Variants in ATP8A1 observed in about 807,000 individuals in gnomAD.
ATP8A1 encodes phospholipid-transporting ATPase IA.
ATP8A1 carries 90 observed loss-of-function variants against 177.7 expected under a neutral mutation model. The ratio of observed to expected loss-of-function variants is 0.51; its 90% CI spans 0.43 to 0.60. The LOEUF (loss-of-function observed/expected upper bound fraction) is 0.60. Ranked by LOEUF, ATP8A1 falls within the 20% of genes least tolerant of loss-of-function variation. ATP8A1 has a pLI of 0.00. For synonymous variants in ATP8A1, 493 were observed against 485.9 expected (o/e 1.01, Z -0.19); for missense variants, 1,072 against 1,392.8 (o/e 0.77, Z 3.67).
chr4:42,579,922 T>C lies in ATP8A1; in HGVS notation c.891A>G (p.Gln297=), dbSNP rs763933769. ...LSNVERITNV[Q]ILILFCILIA... is the part of the protein sequence containing the mutation. ...TTAAGATACAAAATAAAATCAAAAT[T>C]TGTACATTTGTAATCCGTTCCACAT... The change falls in exon 11 of 37, where the codon CAA becomes CAG. Residue 297 remains glutamine (Q), a synonymous_variant. Transcript: ENST00000381668. 3.1e-6 allele frequency: 5 copies of C among 1,613,008 alleles called. No individual in the cohort carries two copies. Among genetic ancestry groups the C allele is most frequent in the Non-Finnish European group, 4.2e-6 (5 of 1,179,324 alleles).
chr4:42,554,587 GAAGATGCATATTTGAGGGT>G (rs1398822668), intron 16 of ATP8A1, among the ~76,000 whole-genome samples: 1 of 152,202 alleles, frequency 6.6e-6, no homozygotes, highest in African/African-American at 2.4e-5. Context: ...CTGTGCTAGA[GAAGATGCATATTTGAGGGT>G]AACAATCATG....
chr4:42,652,666 T>G (rs1407700591), intron 1 of ATP8A1, among the ~76,000 whole-genome samples: 1 of 152,136 alleles, frequency 6.6e-6, no homozygotes, highest in Non-Finnish European at 1.5e-5. Flanking sequence ...GGGAGGTAAC[T>G]GAATCATGGG....
intron 27 of ATP8A1, among the ~76,000 whole-genome samples, chr4:42,460,692 G>C (rs1372442339): frequency 2.6e-5 from 4 of 152,158 alleles, no homozygotes; most frequent in African/African-American, 9.7e-5. Context: ...CAGCCTGGCT[G>C]TATCTTTTTT....
At chr4:42,578,173 A>C (rs1424325784) in intron 12 of ATP8A1, 87 bp downstream of exon 12, 15 of 1,315,518 alleles carry the variant, frequency 1.1e-5, no homozygotes, top group Non-Finnish European at 1.5e-5. Flanking sequence ...GGTAGATATA[A>C]TTAAAACCTT....
chr4:42,637,109 C>G (rs1443971585), intron 1 of ATP8A1: 1 of 518,322 alleles, frequency 1.9e-6, no homozygotes, highest in Non-Finnish European at 3.9e-6. Flanking sequence ...ACTGGCTAGC[C>G]TTCTACAAGA....
intron 19 of ATP8A1, among the ~76,000 whole-genome samples, chr4:42,546,247 A>G (rs1375107645): frequency 1.3e-5 from 2 of 152,086 alleles, no homozygotes; most frequent in Non-Finnish European, 2.9e-5. Flanking sequence ...CTCGCCCCGC[A>G]GCCATAAAAA....
intron 35 of ATP8A1, among the ~76,000 whole-genome samples, chr4:42,418,935 T>C (rs1349427324): frequency 6.6e-6 from 1 of 152,184 alleles, no homozygotes; most frequent in East Asian, 1.9e-4. Flanking sequence ...TTTTCTGACA[T>C]TTGCATTTTA....
chr4:42,592,452 A>G (rs1216252925), intron 6 of ATP8A1, among the ~76,000 whole-genome samples: 2 of 152,162 alleles, frequency 1.3e-5, no homozygotes, highest in Non-Finnish European at 2.9e-5. Context: ...AGGGCAGTAT[A>G]GTCGATTATC....
chr4:42,445,558 T>C (rs537317305), intron 31 of ATP8A1, among the ~76,000 whole-genome samples: 2 of 152,334 alleles, frequency 1.3e-5, no homozygotes, highest in African/African-American at 4.8e-5. Flanking sequence ...AAGTGATGTT[T>C]GCTAGCACTT....
chr4:42,466,031 C>CAAAAAAAAAAAAAAAAAAA (rs57949092), intron 25 of ATP8A1, among the ~76,000 whole-genome samples: 1 of 108,118 alleles, frequency 9.2e-6, no homozygotes, highest in Admixed American at 1.0e-4. Flanking sequence ...GACTCCGTCT[C>CAAAAAAAAAAAAAAAAAAA]AAAAAAAAAA....
At chr4:42,599,588 G>A (rs1735047473) in intron 6 of ATP8A1, among the ~76,000 whole-genome samples, 1 of 152,106 alleles carries the variant, frequency 6.6e-6, no homozygotes, top group African/African-American at 2.4e-5. Flanking sequence ...TAATTGGGGG[G>A]TACAAGATAT....
intron 20 of ATP8A1, among the ~76,000 whole-genome samples, chr4:42,526,741 G>C (rs1726711297): frequency 6.6e-6 from 1 of 152,040 alleles, no homozygotes; most frequent in Non-Finnish European, 1.5e-5. Flanking sequence ...TATTAATTCT[G>C]TCCCTCTAGA....
chr4:42,529,707 T>G (rs1014182015), intron 20 of ATP8A1, among the ~76,000 whole-genome samples: 1 of 152,156 alleles, frequency 6.6e-6, no homozygotes, highest in Non-Finnish European at 1.5e-5. Flanking sequence ...CTGCACGATA[T>G]GCAGGCACTA....
intron 25 of ATP8A1, among the ~76,000 whole-genome samples, chr4:42,479,672 G>A (rs1411426799): frequency 6.6e-6 from 1 of 152,208 alleles, no homozygotes; most frequent in Non-Finnish European, 1.5e-5. Context: ...ACAGAGCACT[G>A]CATTTAAAAT....
chr4:42,568,589 C>T (rs767443470), intron 15 of ATP8A1, among the ~76,000 whole-genome samples: 25 of 152,250 alleles, frequency 1.6e-4, no homozygotes, highest in Non-Finnish European at 3.5e-4. Context: ...ACCCATAAAA[C>T]GCTAACTTTA....
At chr4:42,590,073 A>G (rs1464527457) in intron 7 of ATP8A1, among the ~76,000 whole-genome samples, 1 of 152,208 alleles carries the variant, frequency 6.6e-6, no homozygotes, top group East Asian at 1.9e-4. Flanking sequence ...CTAGATCATA[A>G]ATATTTCAGC....
chr4:42,477,996 A>G (rs921257113), intron 25 of ATP8A1, among the ~76,000 whole-genome samples: 1 of 152,036 alleles, frequency 6.6e-6, no homozygotes, highest in African/African-American at 2.4e-5. Flanking sequence ...AACAAAAACA[A>G]ACAAAAAATA....
intron 1 of ATP8A1, among the ~76,000 whole-genome samples, chr4:42,635,171 T>A (rs79654802): frequency 2.0e-5 from 3 of 152,058 alleles, no homozygotes; most frequent in Non-Finnish European, 2.9e-5. Context: ...CTTTTTTTTT[T>A]AACAAAATTG....
At chr4:42,551,372 G>A in intron 17 of ATP8A1, 92 bp from the exon 18 acceptor site, 2 of 874,896 alleles carry the variant, frequency 2.3e-6, no homozygotes, top group South Asian at 1.6e-5. Flanking sequence ...ATAATTTTCT[G>A]TTTAATTAAA....
Sources: gnomAD v4.1 joint callset for allele counts (sites outside exome capture counted in the v4.1 genomes callset) on GRCh38, gnomAD v4.1.1 for gene constraint, MANE v1.5 for transcripts, NCBI Gene and HGNC (gene_info 2026-07-23, HGNC 2026-07-21) for gene names.